The following DIS3L2 variants were observed in gnomAD, a reference collection of about 807,000 sequenced individuals.
The protein encoded by DIS3L2 is DIS3-like exonuclease 2.
In DIS3L2, 34 loss-of-function variants were observed where a neutral mutation model predicts 97.5. That is an observed-to-expected ratio of 0.35 (90% CI 0.27 to 0.46). The LOEUF is 0.46. Ranked by LOEUF, DIS3L2 falls within the 20% of genes least tolerant of loss-of-function variation. The pLI, the probability that DIS3L2 is intolerant of heterozygous loss-of-function variation, is 1.00. For missense variants in DIS3L2, 1,038 were observed against 1,146.0 expected (o/e 0.91, Z 1.36); for synonymous variants, 435 against 445.2 (o/e 0.98, Z 0.29).
intron 5 of DIS3L2, among the ~76,000 whole-genome samples, chr2:232,047,828 C>T (rs995921427): frequency 1.3e-5 from 2 of 152,156 alleles, no homozygotes; most frequent in African/African-American, 4.8e-5. Context: ...CAATATTTGT[C>T]GTTTTGTGTT....
chr2:232,160,273 G>C (rs1690611714), intron 8 of DIS3L2, among the ~76,000 whole-genome samples: 1 of 152,174 alleles, frequency 6.6e-6, no homozygotes, highest in Admixed American at 6.5e-5. Context: ...GTTTCAAACT[G>C]TGAATTCAGT....
chr2:232,243,541 A>G (rs1693165115), intron 11 of DIS3L2, among the ~76,000 whole-genome samples: 2 of 152,178 alleles, frequency 1.3e-5, no homozygotes. Flanking sequence ...CTACCCCAAC[A>G]CAGAGATCTT....
intron 8 of DIS3L2, among the ~76,000 whole-genome samples, chr2:232,141,177 T>G (rs918032260): frequency 1.3e-5 from 2 of 151,270 alleles, no homozygotes; most frequent in Admixed American, 6.6e-5. Context: ...TTCTCAGCCC[T>G]TTGGGAAATC....
intron 6 of DIS3L2, among the ~76,000 whole-genome samples, chr2:232,112,584 C>A (rs1697570784): frequency 6.6e-6 from 1 of 152,174 alleles, no homozygotes. Context: ...TGAGTAGACT[C>A]CTGTCCCAAG....
chr2:231,988,618 C>G (rs1239272591), intron 1 of DIS3L2, among the ~76,000 whole-genome samples: 10 of 152,092 alleles, frequency 6.6e-5, no homozygotes, highest in Non-Finnish European at 1.2e-4. Flanking sequence ...GAGTGTTCTC[C>G]AAGACATGAC....
intron 5 of DIS3L2, among the ~76,000 whole-genome samples, chr2:232,049,832 A>T (rs1695351346): frequency 6.6e-6 from 1 of 152,184 alleles, no homozygotes; most frequent in Non-Finnish European, 1.5e-5. Context: ...TGCGTTGGGC[A>T]CAGTGCCACT....
intron 14 of DIS3L2, among the ~76,000 whole-genome samples, chr2:232,308,829 C>T (rs1695049486): frequency 6.6e-6 from 1 of 152,226 alleles, no homozygotes; most frequent in Admixed American, 6.5e-5. Flanking sequence ...GGTCTCAGAA[C>T]ACACTCTCTA....
chr2:232,210,519 T>C, intron 10 of DIS3L2, 114 bp downstream of exon 10: 2 of 967,086 alleles, frequency 2.1e-6, no homozygotes, highest in Admixed American at 3.6e-5. Flanking sequence ...TAGGTTTGCT[T>C]CGTGCCTGAA....
intron 5 of DIS3L2, among the ~76,000 whole-genome samples, chr2:232,040,617 A>G (rs1695083587): frequency 1.3e-5 from 2 of 152,178 alleles, no homozygotes; most frequent in Admixed American, 1.3e-4. Flanking sequence ...AATACGGTAA[A>G]TTACAAATAT....
rs36151054 is a variant in DIS3L2 at position 231,966,641 on chromosome 2, A to ATTTTTTTT, written c.-94+4903_-94+4910dup. 7.4e-3 allele frequency among the ~76,000 whole-genome samples: 372 copies of ATTTTTTTT among 50,426 alleles called. 20 individuals are homozygous for ATTTTTTTT. Among genetic ancestry groups the ATTTTTTTT allele is most frequent in the Non-Finnish European group, 0.01 (288 of 27,974 alleles). The allele number at this position is 50,426 out of a possible 152,430, so 33.1% of individuals were successfully genotyped here. A position where few individuals can be genotyped will look rare whatever the true frequency, so the allele number is the denominator to read the frequency against. On this transcript the variant is annotated intron_variant, in intron 1 of 20. Coordinates refer to ENST00000325385, the MANE Select transcript of DIS3L2 (RefSeq NM_152383.5). Reference sequence around the variant, plus strand: ...CACCATGCCCAGCTAGTTAAAAAACATTTTTTTTTTTTTTTTTTTTTTTTT... The same window carrying ATTTTTTTT: ...CACCATGCCCAGCTAGTTAAAAAACATTTTTTTTTTTTTTTTTTTTTTTTTTTTTTTTT...
intron 10 of DIS3L2, among the ~76,000 whole-genome samples, chr2:232,232,732 A>T (rs964520518): frequency 3.3e-5 from 5 of 152,338 alleles, no homozygotes; most frequent in Admixed American, 2.6e-4. Context: ...TAGACTTTGT[A>T]TACATCAATC....
At chr2:232,249,724 C>T (rs1030490272) in intron 12 of DIS3L2, among the ~76,000 whole-genome samples, 1 of 152,154 alleles carries the variant, frequency 6.6e-6, no homozygotes, top group Non-Finnish European at 1.5e-5. Flanking sequence ...TAGAGGAGGA[C>T]ATTAGGTAAA....
intron 5 of DIS3L2, among the ~76,000 whole-genome samples, chr2:232,076,878 G>T (rs1696204842): frequency 6.6e-6 from 1 of 151,980 alleles, no homozygotes; most frequent in Non-Finnish European, 1.5e-5. Flanking sequence ...TCCCAGTATT[G>T]CATAGTGTCT....
At chr2:232,187,173 A>G (rs1259334590) in intron 9 of DIS3L2, among the ~76,000 whole-genome samples, 2 of 152,214 alleles carry the variant, frequency 1.3e-5, no homozygotes, top group African/African-American at 4.8e-5. Context: ...ATCATTGATC[A>G]TTACAAAAAT....
intron 5 of DIS3L2, among the ~76,000 whole-genome samples, chr2:232,073,989 G>A (rs1696111923): frequency 3.9e-5 from 6 of 152,166 alleles, no homozygotes; most frequent in Admixed American, 3.3e-4. Flanking sequence ...CCAGATCTAG[G>A]CTTTCTTTCC....
intron 1 of DIS3L2, among the ~76,000 whole-genome samples, chr2:231,984,480 G>A (rs1318057104): frequency 1.3e-5 from 2 of 148,204 alleles, no homozygotes; most frequent in East Asian, 2.0e-4. Flanking sequence ...TCCGCCTCCC[G>A]GGTTCACGCC....
At chr2:232,285,284 C>A (rs1405095962) in intron 13 of DIS3L2, among the ~76,000 whole-genome samples, 2 of 152,166 alleles carry the variant, frequency 1.3e-5, no homozygotes, top group East Asian at 3.9e-4. Context: ...GTGAAGCCAA[C>A]CTATCTCTCA....
chr2:232,305,912 G>A (rs1053765364), intron 14 of DIS3L2, among the ~76,000 whole-genome samples: 1 of 151,588 alleles, frequency 6.6e-6, no homozygotes, highest in Non-Finnish European at 1.5e-5. Flanking sequence ...CTGAGATCGT[G>A]CCATTGCACT....
At chr2:231,990,461 C>T (rs1053898701) in intron 1 of DIS3L2, among the ~76,000 whole-genome samples, 2 of 152,088 alleles carry the variant, frequency 1.3e-5, no homozygotes, top group African/African-American at 4.8e-5. Flanking sequence ...AAATCTTAGT[C>T]GCTTCAGTGT....
Sources: gnomAD v4.1 joint callset for allele counts (sites outside exome capture counted in the v4.1 genomes callset) on GRCh38, gnomAD v4.1.1 for gene constraint, MANE v1.5 for transcripts, NCBI Gene and HGNC (gene_info 2026-07-23, HGNC 2026-07-21) for gene names.